Variants in TENM4 observed in about 807,000 individuals in gnomAD.
The protein encoded by TENM4 is teneurin-4.
TENM4 carries 82 observed loss-of-function variants against 243.3 expected under a neutral mutation model. The ratio of observed to expected loss-of-function variants is 0.34; its 90% CI spans 0.28 to 0.40. The LOEUF is 0.40. Among genes scored for constraint, TENM4 ranks in the 10% least tolerant of loss-of-function variants. The probability of loss-of-function intolerance (pLI) is 1.00; values close to 1 mark genes in which losing one functional copy is unlikely to be tolerated. For missense variants in TENM4, 3,138 were observed against 3,673.3 expected (o/e 0.85, Z 3.77); for synonymous variants, 1,412 against 1,456.3 (o/e 0.97, Z 0.69).
At chr11:79,076,064 GGT>G (rs1485597425) in intron 4 of TENM4, among the ~76,000 whole-genome samples, 4 of 152,190 alleles carry the variant, frequency 2.6e-5, no homozygotes, top group Non-Finnish European at 5.9e-5. Context: ...TCTTGGTTTT[GGT>G]GTGTCTGTGG....
chr11:78,873,859 C>T (rs1320497637), intron 9 of TENM4, among the ~76,000 whole-genome samples: 1 of 152,002 alleles, frequency 6.6e-6, no homozygotes, highest in Non-Finnish European at 1.5e-5. Context: ...CTTGAGCCTG[C>T]CTGGCCATCT....
At chr11:78,926,275 CTT>C (rs34301647) in intron 6 of TENM4, among the ~76,000 whole-genome samples, 18 of 127,292 alleles carry the variant, frequency 1.4e-4, no homozygotes, top group Admixed American at 2.4e-4. Context: ...AAAGAACTGA[CTT>C]TTTTTTTTTT....
intron 27 of TENM4, among the ~76,000 whole-genome samples, chr11:78,703,533 A>G (rs551592387): frequency 1.1e-3 from 172 of 152,254 alleles, no homozygotes; most frequent in African/African-American, 4.1e-3. Flanking sequence ...TGAGTCTTCA[A>G]GTGGGCACCC....
At chr11:78,664,190 A>G (rs1858096117) in intron 32 of TENM4, among the ~76,000 whole-genome samples, 1 of 152,222 alleles carries the variant, frequency 6.6e-6, no homozygotes, top group Non-Finnish European at 1.5e-5. Context: ...AGAAGAATAC[A>G]AAGTGTTACC....
At chr11:78,963,767 TGTCACCCAGGCTGGAGTGCAG>T (rs1857380576) in intron 6 of TENM4, among the ~76,000 whole-genome samples, 1 of 150,106 alleles carries the variant, frequency 6.7e-6, no homozygotes, top group Admixed American at 6.6e-5. Context: ...AGTCTCACTC[TGTCACCCAGGCTGGAGTGCAG>T]TGGCACAATC....
chr11:78,792,701 G>A (rs1241597454), intron 15 of TENM4, among the ~76,000 whole-genome samples: 1 of 152,202 alleles, frequency 6.6e-6, no homozygotes, highest in South Asian at 2.1e-4. Context: ...AATGGAAGAG[G>A]TGTATGTCGG....
At chr11:78,761,850 G>A (rs1034269054) in intron 18 of TENM4, among the ~76,000 whole-genome samples, 17 of 152,054 alleles carry the variant, frequency 1.1e-4, no homozygotes, top group Admixed American at 5.2e-4. Flanking sequence ...ACCTCCCACT[G>A]TGGATGTGCC....
intron 7 of TENM4, among the ~76,000 whole-genome samples, chr11:78,899,559 C>CGGCG: frequency 3.4e-5 from 1 of 29,620 alleles, no homozygotes; most frequent in South Asian, 2.0e-3. Context: ...TCTCAAAAAG[C>CGGCG]GGGGGGGGGG....
intron 4 of TENM4, among the ~76,000 whole-genome samples, chr11:79,089,249 G>A (rs1394262685): frequency 1.3e-5 from 2 of 152,198 alleles, no homozygotes; most frequent in Admixed American, 6.5e-5. Flanking sequence ...GCCCCCAAGA[G>A]GGCCAGGCCC....
chr11:79,088,684 C>T (rs368595435), intron 4 of TENM4, among the ~76,000 whole-genome samples: 8 of 152,284 alleles, frequency 5.3e-5, no homozygotes, highest in Middle Eastern at 6.8e-3. Context: ...TACTTCACTC[C>T]GGCCCAGATG....
chr11:79,229,024 T>C (rs1197124307), intron 2 of TENM4, among the ~76,000 whole-genome samples: 1 of 152,254 alleles, frequency 6.6e-6, no homozygotes, highest in African/African-American at 2.4e-5. Context: ...AGATGTTCTT[T>C]GTTTTTGATG....
intron 1 of TENM4, among the ~76,000 whole-genome samples, chr11:79,395,261 C>A (rs562900798): frequency 6.6e-6 from 1 of 152,174 alleles, no homozygotes; most frequent in Non-Finnish European, 1.5e-5. Context: ...GTCAGCAAGA[C>A]GCCTCTGGAA....
intron 6 of TENM4, among the ~76,000 whole-genome samples, chr11:78,979,085 C>T (rs1857732650): frequency 6.6e-6 from 1 of 152,028 alleles, no homozygotes; most frequent in South Asian, 2.1e-4. Flanking sequence ...TTCTCAGTGT[C>T]CAGTGGTCTG....
chr11:78,865,623 C>CA (rs1368599931), intron 9 of TENM4, among the ~76,000 whole-genome samples: 1 of 152,186 alleles, frequency 6.6e-6, no homozygotes, highest in Non-Finnish European at 1.5e-5. Flanking sequence ...AAGACACACA[C>CA]AAAAAAACTA....
chr11:78,683,684 C>A lies in TENM4; in HGVS notation c.5260+4370G>T, dbSNP rs553247295. On this transcript the variant is annotated intron_variant, in intron 29 of 33. Transcript: ENST00000278550. The stretch of plus-strand genomic sequence containing the variant: ...TGGCCTGCGCCCACTGTCTGGCACT[C>A]CCTAGTGAGATGAACCCGGTACCTC... Among the ~76,000 whole-genome samples, 7 of 147,346 alleles carry A rather than the reference C, an allele frequency of 4.8e-5. No homozygotes were observed. In the East Asian group the frequency reaches 1.2e-3, roughly 25 times the overall value.
At chr11:78,964,036 CTTTT>C (rs1002218964) in intron 6 of TENM4, among the ~76,000 whole-genome samples, 2 of 109,398 alleles carry the variant, frequency 1.8e-5, no homozygotes, top group African/African-American at 3.7e-5. Flanking sequence ...CACACCCAGA[CTTTT>C]TTTTTTTTTT....
intron 15 of TENM4, among the ~76,000 whole-genome samples, chr11:78,790,309 G>T (rs1857026348): frequency 6.6e-6 from 1 of 152,214 alleles, no homozygotes; most frequent in South Asian, 2.1e-4. Context: ...ACCACTTACT[G>T]GCTGGGTAAT....
chr11:79,017,272 G>A, intron 6 of TENM4, among the ~76,000 whole-genome samples: 1 of 152,192 alleles, frequency 6.6e-6, no homozygotes, highest in Non-Finnish European at 1.5e-5. Context: ...CTAGATAAAA[G>A]AGGCGGAGGC....
At chr11:79,355,541 C>T (rs904087032) in intron 1 of TENM4, among the ~76,000 whole-genome samples, 6 of 100,304 alleles carry the variant, frequency 6.0e-5, no homozygotes, top group African/African-American at 2.5e-4. Flanking sequence ...TCCAAACAAA[C>T]AAACAAACAA....
Sources: gnomAD v4.1 joint callset for allele counts (sites outside exome capture counted in the v4.1 genomes callset) on GRCh38, gnomAD v4.1.1 for gene constraint, MANE v1.5 for transcripts, NCBI Gene and HGNC (gene_info 2026-07-23, HGNC 2026-07-21) for gene names.